GSE1: variants seen among roughly 807,000 people sequenced by gnomAD.
GSE1 encodes the protein Gse1 coiled-coil protein.
A neutral mutation model predicts 112.6 loss-of-function variants in GSE1; 32 were observed. That is an observed-to-expected ratio of 0.28 (90% confidence interval 0.21 to 0.38). The LOEUF (loss-of-function observed/expected upper bound fraction) is 0.38, where lower values mean the gene tolerates loss of function less well. GSE1 is among the 10% of genes least tolerant of loss of function. The probability of loss-of-function intolerance (pLI) is 1.00; values close to 1 mark genes in which losing one functional copy is unlikely to be tolerated. For synonymous variants in GSE1, 1,115 were observed against 735.6 expected (o/e 1.52, Z -8.35); for missense variants, 2,348 against 1,699.2 (o/e 1.38, Z -6.71).
At chr16:85,335,977 G>A (rs917711697) in intron 1 of GSE1, among the ~76,000 whole-genome samples, 6 of 152,182 alleles carry the variant, frequency 3.9e-5, no homozygotes, top group African/African-American at 1.2e-4. Flanking sequence ...GGTCCCAGGA[G>A]GACAGAGCCA....
chr16:85,540,744 G>A (rs2044489510), intron 2 of GSE1, among the ~76,000 whole-genome samples: 1 of 152,046 alleles, frequency 6.6e-6, no homozygotes, highest in Non-Finnish European at 1.5e-5. Context: ...GTGAGACCCT[G>A]TCTCTTCAAA....
At chr16:85,370,737 G>A (rs2047280891) in intron 2 of GSE1, among the ~76,000 whole-genome samples, 1 of 152,232 alleles carries the variant, frequency 6.6e-6, no homozygotes, top group Non-Finnish European at 1.5e-5. Context: ...GGCCTGGAGT[G>A]AGAACCCAGT....
At chr16:85,345,502 C>A (rs73267413) in intron 1 of GSE1, among the ~76,000 whole-genome samples, 3,463 of 152,324 alleles carry the variant, frequency 0.023, 117 homozygotes, top group African/African-American at 0.079. Flanking sequence ...TCTTCCCCAG[C>A]TATCTCTGTG....
chr16:85,662,956 C>G (rs2052552092), intron 9 of GSE1, 25 bp from the exon 10 acceptor site: 1 of 1,459,878 alleles, frequency 6.8e-7, no homozygotes, highest in Non-Finnish European at 9.6e-7. Context: ...CTTTGTCTGG[C>G]TGAATACAAC....
intron 1 of GSE1, among the ~76,000 whole-genome samples, chr16:85,215,813 A>G (rs1027968791): frequency 1.3e-5 from 2 of 152,148 alleles, no homozygotes; most frequent in African/African-American, 2.4e-5. Flanking sequence ...GGGCTAGCCT[A>G]GGACTCAACT....
chr16:85,571,241 G>A (rs1598224830), intron 1 of GSE1, among the ~76,000 whole-genome samples: 1 of 152,206 alleles, frequency 6.6e-6, no homozygotes, highest in Admixed American at 6.5e-5. Context: ...AGTGCTGCTG[G>A]CCCAGAGGCC....
intron 2 of GSE1, among the ~76,000 whole-genome samples, chr16:85,370,998 G>A (rs927866474): frequency 9.9e-5 from 15 of 152,230 alleles, no homozygotes; most frequent in African/African-American, 2.9e-4. Flanking sequence ...GCCCGGCGGT[G>A]GCTGGCTGTG....
intron 1 of GSE1, among the ~76,000 whole-genome samples, chr16:85,345,992 GGATA>G (rs1335996318): frequency 6.6e-6 from 1 of 151,980 alleles, no homozygotes; most frequent in East Asian, 1.9e-4. Context: ...ATGGGTGGAT[GGATA>G]GATGCATGGA....
At chr16:85,604,353 CTGAG>C (rs1026151870) in intron 1 of GSE1, among the ~76,000 whole-genome samples, 56 of 152,252 alleles carry the variant, frequency 3.7e-4, no homozygotes, top group African/African-American at 1.3e-3. Context: ...CTTTTTATGG[CTGAG>C]TAATAGTCCA....
intron 2 of GSE1, among the ~76,000 whole-genome samples, chr16:85,413,051 C>G (rs1176530934): frequency 6.6e-6 from 1 of 152,210 alleles, no homozygotes; most frequent in Non-Finnish European, 1.5e-5. Context: ...CGTGCTGCTG[C>G]TGGAGGGGCC....
At chr16:85,471,642 G>T (rs1293092010) in intron 2 of GSE1, among the ~76,000 whole-genome samples, 3 of 152,062 alleles carry the variant, frequency 2.0e-5, no homozygotes, top group African/African-American at 7.2e-5. Flanking sequence ...TTGAACTCTT[G>T]GGCTTAAGCA....
chr16:85,457,319 G>C (rs1355142479), intron 2 of GSE1, among the ~76,000 whole-genome samples: 1 of 152,194 alleles, frequency 6.6e-6, no homozygotes, highest in Non-Finnish European at 1.5e-5. Flanking sequence ...CCCTGAGCTG[G>C]CAGATGGGGG....
At chr16:85,629,543 G>C (rs1451512703) in intron 1 of GSE1, among the ~76,000 whole-genome samples, 1 of 152,248 alleles carries the variant, frequency 6.6e-6, no homozygotes, top group East Asian at 1.9e-4. Context: ...TGGCTGGCTT[G>C]TCACATGGGC....
At chr16:85,664,236 G>C (rs1241106304) in intron 11 of GSE1, among the ~76,000 whole-genome samples, 5 of 152,254 alleles carry the variant, frequency 3.3e-5, no homozygotes, top group Non-Finnish European at 5.9e-5. Flanking sequence ...CCCAGATGTT[G>C]ACGTTCCTGG....
chr16:85,503,028 A>G (rs1323468839), intron 2 of GSE1, among the ~76,000 whole-genome samples: 1 of 152,208 alleles, frequency 6.6e-6, no homozygotes, highest in Non-Finnish European at 1.5e-5. Flanking sequence ...AGGAGACCAC[A>G]CTGAGCTTGT....
At chr16:85,645,333 G>A (rs1462895174) in intron 2 of GSE1, among the ~76,000 whole-genome samples, 1 of 152,120 alleles carries the variant, frequency 6.6e-6, no homozygotes, top group Non-Finnish European at 1.5e-5. Context: ...GGGAGAATGT[G>A]AACGTGCCTC....
chr16:85,668,069 A>G, intron 13 of GSE1, 71 bp from the exon 14 acceptor site: 1 of 1,168,632 alleles, frequency 8.6e-7, no homozygotes. Flanking sequence ...GGCAGAGCAG[A>G]GCTCCCTTCT....
intron 2 of GSE1, among the ~76,000 whole-genome samples, chr16:85,442,162 C>G (rs73261106): frequency 2.0e-5 from 3 of 152,182 alleles, no homozygotes; most frequent in African/African-American, 7.2e-5. Flanking sequence ...GTCCTGCCGT[C>G]GTTTCAGGCC....
At chr16:85,226,757 TGGTG>T (rs1366423724) in intron 1 of GSE1, among the ~76,000 whole-genome samples, 2 of 118,226 alleles carry the variant, frequency 1.7e-5, no homozygotes, top group Non-Finnish European at 3.4e-5. Flanking sequence ...CTGCCTGGAC[TGGTG>T]TGTGTGTGTG....
Sources: gnomAD v4.1 joint callset for allele counts (sites outside exome capture counted in the v4.1 genomes callset) on GRCh38, gnomAD v4.1.1 for gene constraint, MANE v1.5 for transcripts, NCBI Gene and HGNC (gene_info 2026-07-23, HGNC 2026-07-21) for gene names.